HDAC8: variants seen among roughly 807,000 people sequenced by gnomAD.
HDAC8 encodes the protein histone deacetylase 8, also known as histone deacetylase-like 1.
HDAC8 carries 1 observed loss-of-function variant against 32.2 expected under a neutral mutation model. The observed-to-expected ratio is 0.03, with a 90% confidence interval of 0.01 to 0.15. HDAC8 has a LOEUF of 0.15. Ranked by LOEUF, HDAC8 falls within the 10% of genes least tolerant of loss-of-function variation. The pLI is 1.00. For synonymous variants in HDAC8, 108 were observed against 113.9 expected (o/e 0.95, Z 0.33); for missense variants, 117 against 300.0 (o/e 0.39, Z 4.51).
At chrX:72,520,383 T>C (rs1044868012) in intron 4 of HDAC8, among the ~76,000 whole-genome samples, 10 of 112,246 alleles carry the variant, frequency 8.9e-5, no homozygotes, top group Admixed American at 9.5e-5. Flanking sequence ...TTAAAAGAAC[T>C]GTTTTTTCCA....
intron 7 of HDAC8, among the ~76,000 whole-genome samples, chrX:72,478,409 T>C (rs930146845): frequency 9.0e-6 from 1 of 111,182 alleles, no homozygotes; most frequent in Admixed American, 9.6e-5. Flanking sequence ...AGGATAGATA[T>C]TTTTCCACTT....
chrX:72,379,490 G>GTTTTTTTTTTTTT (rs1191306787), intron 9 of HDAC8, among the ~76,000 whole-genome samples: 1 of 38,895 alleles, frequency 2.6e-5, no homozygotes, highest in Non-Finnish European at 4.4e-5. Flanking sequence ...TTTGTTTAGT[G>GTTTTTTTTTTTTT]TTTTTTTTTT....
chrX:72,470,149 A>AATACATAC (rs201216050), intron 7 of HDAC8, among the ~76,000 whole-genome samples: 139 of 97,014 alleles, frequency 1.4e-3, no homozygotes, highest in East Asian at 4.4e-3. Context: ...CACAGTCTCA[A>AATACATAC]ATACATACAT....
chrX:72,458,970 CAT>C (rs1331231602), intron 9 of HDAC8, among the ~76,000 whole-genome samples: 1 of 111,821 alleles, frequency 8.9e-6, no homozygotes, highest in African/African-American at 3.3e-5. Flanking sequence ...GTAATCTACA[CAT>C]AGCAAATTTT....
chrX:72,332,958 A>G (rs1351139243), intron 10 of HDAC8, among the ~76,000 whole-genome samples: 2 of 111,977 alleles, frequency 1.8e-5, no homozygotes, highest in Non-Finnish European at 3.8e-5. Flanking sequence ...AGCCCTTTAT[A>G]TATTTTAGAT....
chrX:72,564,160 C>G (rs1216493288), intron 4 of HDAC8, among the ~76,000 whole-genome samples: 1 of 110,831 alleles, frequency 9.0e-6, no homozygotes, highest in African/African-American at 3.3e-5. Flanking sequence ...GATTCTGTCT[C>G]AAAAAAAAGA....
chrX:72,539,026 G>T (rs1335522975), intron 4 of HDAC8, among the ~76,000 whole-genome samples: 2 of 111,305 alleles, frequency 1.8e-5, no homozygotes, highest in African/African-American at 6.5e-5. Context: ...TGTCCTAGTG[G>T]GATCTGGGGA....
At chrX:72,362,234 G>A (rs182748715) in intron 9 of HDAC8, among the ~76,000 whole-genome samples, 89 of 111,069 alleles carry the variant, frequency 8.0e-4, no homozygotes, top group Admixed American at 1.4e-3. Flanking sequence ...TGCTCTGAGA[G>A]TTCATGTCAC....
At chrX:72,530,444 G>GT (rs1232261962) in intron 4 of HDAC8, among the ~76,000 whole-genome samples, 9,534 of 80,063 alleles carry the variant, frequency 0.12, 846 homozygotes, top group African/African-American at 0.3. Flanking sequence ...TATTTTATGC[G>GT]TTTTTTTTTT....
intron 9 of HDAC8, among the ~76,000 whole-genome samples, chrX:72,429,406 T>G (rs996684157): frequency 1.2e-4 from 13 of 112,145 alleles, no homozygotes; most frequent in African/African-American, 4.2e-4. Context: ...TCTGATTTTA[T>G]CAAATGGTGC....
chrX:72,477,247 T>G, intron 7 of HDAC8, among the ~76,000 whole-genome samples: 1 of 111,913 alleles, frequency 8.9e-6, no homozygotes. Flanking sequence ...CTGCTTGTGC[T>G]TATGCTCTCT....
intron 9 of HDAC8, among the ~76,000 whole-genome samples, chrX:72,446,468 A>G (rs1555984877): frequency 9.1e-6 from 1 of 109,607 alleles, no homozygotes; most frequent in East Asian, 2.9e-4. Flanking sequence ...TCTCACTCAT[A>G]GGTGGGAATT....
At chrX:72,361,830 T>C (rs1555952750) in intron 9 of HDAC8, among the ~76,000 whole-genome samples, 1 of 111,426 alleles carries the variant, frequency 9.0e-6, no homozygotes, top group East Asian at 2.8e-4. Context: ...AGCTAAAGTA[T>C]GTGGTATTGG....
At chrX:72,553,447 CCTT>C (rs1302358274) in intron 4 of HDAC8, among the ~76,000 whole-genome samples, 5 of 111,815 alleles carry the variant, frequency 4.5e-5, no homozygotes, top group African/African-American at 1.6e-4. Flanking sequence ...CCCTCCTGCC[CCTT>C]TTTTGGCTAC....
intron 9 of HDAC8, among the ~76,000 whole-genome samples, chrX:72,405,186 T>C (rs781892492): frequency 1.8e-5 from 2 of 111,776 alleles, no homozygotes; most frequent in East Asian, 5.6e-4. Context: ...TGTGTCCATG[T>C]GTTCTTATCA....
At chrX:72,526,043 G>A (rs1404995359) in intron 4 of HDAC8, among the ~76,000 whole-genome samples, 2 of 109,703 alleles carry the variant, frequency 1.8e-5, no homozygotes, top group Non-Finnish European at 3.8e-5. Context: ...ACCAGCCTGG[G>A]CAACATAGTG....
intron 10 of HDAC8, among the ~76,000 whole-genome samples, chrX:72,339,132 G>A (rs1054449081): frequency 6.3e-5 from 7 of 111,573 alleles, no homozygotes; most frequent in Non-Finnish European, 1.1e-4. Flanking sequence ...TTGGCCAGCC[G>A]GTGTCCAGGC....
At chrX:72,349,487 C>A (rs1480160887) in intron 10 of HDAC8, among the ~76,000 whole-genome samples, 1 of 112,171 alleles carries the variant, frequency 8.9e-6, no homozygotes, top group Non-Finnish European at 1.9e-5. Context: ...TTTGTAGGAC[C>A]CAATTTCTGG....
chrX:72,513,338 T>G, intron 4 of HDAC8, among the ~76,000 whole-genome samples: 1 of 110,003 alleles, frequency 9.1e-6, no homozygotes, highest in Non-Finnish European at 1.9e-5. Flanking sequence ...CTTTTTTTTT[T>G]TTTTTGAGAC....
Sources: allele counts gnomAD v4.1 joint callset (sites outside exome capture counted in the v4.1 genomes callset), GRCh38; gene constraint gnomAD v4.1.1; transcripts MANE v1.5; gene names NCBI Gene and HGNC (gene_info 2026-07-23, HGNC 2026-07-21).